SLC29A3: variants seen among roughly 807,000 people sequenced by gnomAD.
SLC29A3 encodes the protein equilibrative nucleoside transporter 3.
SLC29A3 carries 18 observed loss-of-function variants against 25.4 expected under a neutral mutation model. The observed-to-expected ratio is 0.71, with a 90% CI of 0.49 to 1.05. The LOEUF (loss-of-function observed/expected upper bound fraction) is 1.05. Ranked by LOEUF, SLC29A3 falls within the 50% of genes least tolerant of loss-of-function variation. SLC29A3 has a pLI of 0.00. For missense variants in SLC29A3, 586 were observed against 609.0 expected (o/e 0.96, Z 0.40); for synonymous variants, 258 against 267.1 (o/e 0.97, Z 0.33).
chr10:71,326,631 G>A (rs1845978579), intron 2 of SLC29A3, among the ~76,000 whole-genome samples: 1 of 152,236 alleles, frequency 6.6e-6, no homozygotes, highest in Admixed American at 6.5e-5. Context: ...CAGGTCCCCG[G>A]GATCAAGCAG....
intron 3 of SLC29A3, among the ~76,000 whole-genome samples, chr10:71,350,851 C>T (rs1846736206): frequency 6.6e-6 from 1 of 152,236 alleles, no homozygotes; most frequent in African/African-American, 2.4e-5. Flanking sequence ...GAGCTAGTTC[C>T]TCAGCCTCTC....
chr10:71,367,723 G>A (rs1847181167), downstream of SLC29A3, among the ~76,000 whole-genome samples: 1 of 152,204 alleles, frequency 6.6e-6, no homozygotes, highest in Non-Finnish European at 1.5e-5. Flanking sequence ...CAAGGTTCCA[G>A]CCAGCTGACC....
At chr10:71,348,945 A>AG (rs1443181906) in intron 3 of SLC29A3, among the ~76,000 whole-genome samples, 4 of 152,200 alleles carry the variant, frequency 2.6e-5, no homozygotes, top group Admixed American at 2.6e-4. Flanking sequence ...AGGGACAAGA[A>AG]CACAGTCCTG....
chr10:71,362,137 C>G lies in SLC29A3; in HGVS notation c.957C>G (p.Thr319=). 6.2e-7 allele frequency: 1 copy of G among 1,614,142 alleles called. No homozygotes were observed. Among genetic ancestry groups the G allele is most frequent in the Admixed American group, 1.7e-5 (1 of 60,010 alleles). The part of the protein sequence containing the change: ...GFCVTYVFFI[T]SLIYPAICTN... ...GTGTCACCTACGTCTTCTTCATCAC[C>G]AGCCTCATCTACCCCGCCATCTGCA... The change falls in exon 6 of 6, where the codon ACC becomes ACG. Residue 319 remains threonine, a synonymous_variant. Transcript: ENST00000373189.
intron 3 of SLC29A3, among the ~76,000 whole-genome samples, chr10:71,347,086 C>T (rs1323182942): frequency 2.0e-5 from 3 of 152,172 alleles, no homozygotes; most frequent in African/African-American, 7.2e-5. Flanking sequence ...CCATCTGTTT[C>T]CAGGCTGTGG....
chr10:71,365,823 G>A (rs567482169), downstream of SLC29A3: 209 of 152,194 alleles, frequency 1.4e-3, 1 homozygote, highest in African/African-American at 4.9e-3. Context: ...CAGCTCATAT[G>A]TTTGGAGGGG....
intron 2 of SLC29A3, among the ~76,000 whole-genome samples, chr10:71,325,511 T>C (rs1162032168): frequency 6.6e-6 from 1 of 152,182 alleles, no homozygotes; most frequent in African/African-American, 2.4e-5. Context: ...TGAACATTGA[T>C]ATGTTTACAA....
chr10:71,354,628 G>A (rs1846848968), intron 4 of SLC29A3, among the ~76,000 whole-genome samples: 1 of 152,206 alleles, frequency 6.6e-6, no homozygotes, highest in Non-Finnish European at 1.5e-5. Context: ...TGTAAGAGCT[G>A]CCTGATGGAG....
chr10:71,367,896 T>C (rs1413634620), downstream of SLC29A3, among the ~76,000 whole-genome samples: 1 of 152,188 alleles, frequency 6.6e-6, no homozygotes, highest in African/African-American at 2.4e-5. Flanking sequence ...TGGGTCACTT[T>C]AGCCACGTCC....
At chr10:71,322,709 G>A (rs765319148) in intron 1 of SLC29A3, 47 bp from the exon 2 acceptor site, 15 of 1,612,022 alleles carry the variant, frequency 9.3e-6, no homozygotes, top group Non-Finnish European at 1.3e-5. Context: ...CCCAGCCTTG[G>A]TTTCTACTCA....
chr10:71,357,421 A>G (rs1846944326), intron 5 of SLC29A3, among the ~76,000 whole-genome samples: 2 of 152,074 alleles, frequency 1.3e-5, no homozygotes, highest in Non-Finnish European at 2.9e-5. Flanking sequence ...TCTCAAAAAA[A>G]AAAAGCTTGT....
intron 4 of SLC29A3, among the ~76,000 whole-genome samples, chr10:71,378,627 A>G (rs1239979615): frequency 6.6e-6 from 1 of 152,198 alleles, no homozygotes; most frequent in Non-Finnish European, 1.5e-5. Context: ...TTCTTAGCCT[A>G]CTACTACCCT....
At chr10:71,376,191 A>G (rs200163340) in intron 4 of SLC29A3, among the ~76,000 whole-genome samples, 1 of 152,240 alleles carries the variant, frequency 6.6e-6, no homozygotes, top group African/African-American at 2.4e-5. Flanking sequence ...AGCTCTGACC[A>G]CAGCCACTCT....
intron 3 of SLC29A3, among the ~76,000 whole-genome samples, chr10:71,372,083 C>G (rs1477047945): frequency 6.6e-6 from 1 of 152,160 alleles, no homozygotes; most frequent in African/African-American, 2.4e-5. Context: ...AACCAGTCAT[C>G]GGTCACAGGA....
intron 3 of SLC29A3, among the ~76,000 whole-genome samples, chr10:71,371,030 C>T (rs745860159): frequency 6.6e-6 from 1 of 152,178 alleles, no homozygotes; most frequent in Non-Finnish European, 1.5e-5. Context: ...ATCTACTCAC[C>T]TCAGCCTCCC....
chr10:71,321,547 A>T (rs1349469958), intron 1 of SLC29A3, among the ~76,000 whole-genome samples: 1 of 152,246 alleles, frequency 6.6e-6, no homozygotes. Context: ...ATGCTACCTT[A>T]CAGCCAAATT....
At chr10:71,356,781 A>G (rs2131845238) in intron 5 of SLC29A3, among the ~76,000 whole-genome samples, 1 of 152,322 alleles carries the variant, frequency 6.6e-6, no homozygotes, top group Admixed American at 6.5e-5. Flanking sequence ...AGCTGACTGC[A>G]CTACTGCAAT....
At chr10:71,325,673 A>G (rs971332328) in intron 2 of SLC29A3, among the ~76,000 whole-genome samples, 1 of 152,142 alleles carries the variant, frequency 6.6e-6, no homozygotes, top group East Asian at 1.9e-4. Context: ...AGGAAGTGCC[A>G]CAGGAACGCC....
In SLC29A3 at chr10:71,362,067, C is replaced by A. The variant is rs750274214; in HGVS notation, c.887C>A (p.Pro296His). 6 of 1,614,150 alleles carry A rather than the reference C, an allele frequency of 3.7e-6. No individual in the cohort carries two copies. In the South Asian group the frequency reaches 5.5e-5, roughly 15 times the overall value. ...TCCAGATTCATTGATTCCCACACAC[C>A]CCCTCTCCGCCCCATCCTGAAGAAG... ...VASRFIDSHT[P>H]PLRPILKKTA... Residue 296 changes from proline (P) to histidine (H), a missense_variant, in exon 6 of 6, where the codon CCC becomes CAC. Pro to His is a moderately conservative substitution (Grantham distance 77). Coordinates refer to ENST00000373189, the MANE Select transcript of SLC29A3 (RefSeq NM_018344.6).
Sources: allele counts gnomAD v4.1 joint callset (sites outside exome capture counted in the v4.1 genomes callset), GRCh38; gene constraint gnomAD v4.1.1; transcripts MANE v1.5; gene names NCBI Gene and HGNC (gene_info 2026-07-23, HGNC 2026-07-21).